THTPA: variants seen among roughly 807,000 people sequenced by gnomAD.
THTPA encodes thiamine-triphosphatase.
THTPA carries 16 observed loss-of-function variants against 16.5 expected under a neutral mutation model. That is an observed-to-expected ratio of 0.97 (90% CI 0.66 to 1.47). THTPA has a LOEUF of 1.47. Among genes scored for constraint, THTPA ranks in the 40% most tolerant of loss-of-function variants. THTPA has a pLI of 0.00. For synonymous variants in THTPA, 110 were observed against 115.5 expected, an observed-to-expected ratio of 0.95 and a Z score of 0.30; for missense variants, 281 against 280.9, an observed-to-expected ratio of 1.00 and a Z score of 0.00.
At chr14:23,533,465 G>T in the THTPA span, 1 of 1,535,236 alleles carries the variant, frequency 6.5e-7, no homozygotes, top group East Asian at 2.4e-5. This position sits in a 1 kb window ranked among gnomAD's most constrained non-coding sequence, Gnocchi z 4.8. Flanking sequence ...GTAGCCCCTG[G>T]TGGGGGAGGA....
At chr14:23,521,816 G>T in the THTPA span, 1 of 1,358,992 alleles carries the variant, frequency 7.4e-7, no homozygotes, top group Admixed American at 2.7e-5. Flanking sequence ...GGTGTGTGGT[G>T]CCCACTGAGG....
the THTPA span, chr14:23,535,050 C>T: frequency 2.0e-6 from 3 of 1,536,228 alleles, no homozygotes; most frequent in Non-Finnish European, 2.6e-6. This position sits in a 1 kb window ranked among gnomAD's most constrained non-coding sequence, Gnocchi z 4.5. Flanking sequence ...TGTCCTTTTC[C>T]ACCCCTGGGT....
At chr14:23,522,172 C>A in the THTPA span, 1 of 1,497,556 alleles carries the variant, frequency 6.7e-7, no homozygotes, top group South Asian at 1.3e-5. Flanking sequence ...GCCCACTCAG[C>A]AGCACCTCAC....
At chr14:23,535,373 C>G in the THTPA span, 2 of 1,434,642 alleles carry the variant, frequency 1.4e-6, no homozygotes, top group East Asian at 5.0e-5. This position sits in a 1 kb window ranked among gnomAD's most constrained non-coding sequence, Gnocchi z 4.5. Flanking sequence ...ACAGCCAGTA[C>G]CCTGTAGGGA....
the THTPA span, among the ~76,000 whole-genome samples, chr14:23,547,774 C>T: frequency 6.6e-6 from 1 of 152,212 alleles, no homozygotes; most frequent in African/African-American, 2.4e-5. Context: ...CCCAGCCTCT[C>T]CCTACTAATT....
the THTPA span, among the ~76,000 whole-genome samples, chr14:23,517,686 G>T: frequency 1.3e-5 from 2 of 151,980 alleles, no homozygotes; most frequent in African/African-American, 4.8e-5. Flanking sequence ...TCTCCCCATC[G>T]GGTGTGTGTG....
At chr14:23,558,628 G>T in intron 1 of THTPA, 67 bp from the exon 2 acceptor site, 1 of 1,595,612 alleles carries the variant, frequency 6.3e-7, no homozygotes, top group Non-Finnish European at 8.6e-7. Context: ...GGCTAGGTGG[G>T]CAGGGAGCAG....
upstream of THTPA, among the ~76,000 whole-genome samples, chr14:23,552,063 C>T (rs551572775): frequency 3.9e-5 from 6 of 152,254 alleles, no homozygotes; most frequent in Non-Finnish European, 8.8e-5. Context: ...AGCCCTGAGC[C>T]GCCCAAGGCC....
In THTPA at chr14:23,560,202, G is replaced by A; in HGVS notation, c.*1362G>A. On this transcript the variant is annotated 3_prime_UTR_variant, in exon 2 of 2. Transcript: ENST00000288014. Reference sequence around the variant, plus strand: ...CTCCCACCCACCTCCTCCACTTAGTGGCCTTTTCTCCTGGAGTCCCCAGGC... The same window carrying A: ...CTCCCACCCACCTCCTCCACTTAGTAGCCTTTTCTCCTGGAGTCCCCAGGC... 2 of 1,594,232 alleles carry A rather than the reference G, an allele frequency of 1.3e-6. No individual in the cohort carries two copies. Among genetic ancestry groups the A allele is most frequent in the Non-Finnish European group, 1.7e-6 (2 of 1,166,438 alleles).
the THTPA span, chr14:23,532,561 C>T: frequency 7.0e-7 from 1 of 1,437,076 alleles, no homozygotes; most frequent in Non-Finnish European, 9.1e-7. Context: ...CCTGACCCAG[C>T]CTCACCTTAT....
the THTPA span, chr14:23,525,855 G>A: frequency 2.7e-6 from 4 of 1,455,258 alleles, no homozygotes; most frequent in South Asian, 4.3e-5. This position sits in a 1 kb window ranked among gnomAD's most constrained non-coding sequence, Gnocchi z 5.9. Flanking sequence ...GGCAGGAGCA[G>A]CTGCTGCTGC....
the THTPA span, chr14:23,532,022 C>T: frequency 1.9e-5 from 4 of 213,138 alleles, no homozygotes; most frequent in Admixed American, 5.9e-5. Context: ...GTGATCCTCC[C>T]GCCTCGGCCT....
In THTPA at chr14:23,556,440, G is replaced by T; in HGVS notation, c.-318G>T. 3.2e-6 allele frequency: 1 copy of T among 316,960 alleles called. No individual in the cohort carries two copies. 19.6% of individuals were successfully genotyped at this position (316,960 alleles called of 1,614,324 possible). A position where few individuals can be genotyped will look rare whatever the true frequency, so the allele number is the denominator to read the frequency against. Reference sequence around the variant, plus strand: ...GCCTCCTGGGGTGGCAAGGTGTAGAGAGGGGGGCGTTGAAAGGACACCCGC... The same window carrying T: ...GCCTCCTGGGGTGGCAAGGTGTAGATAGGGGGGCGTTGAAAGGACACCCGC... On this transcript the variant is annotated 5_prime_UTR_variant, in exon 1 of 2. Transcript: ENST00000288014.
chr14:23,531,565 G>C, the THTPA span: 1 of 1,525,120 alleles, frequency 6.6e-7, no homozygotes, highest in South Asian at 1.2e-5. Context: ...CCATTCTGTA[G>C]CAGCTGCAGA....
Position 23,556,466 on chromosome 14 carries a change from T to A in THTPA, c.-292T>A. 5.1e-6 allele frequency: 2 copies of A among 389,138 alleles called. No individual in the cohort carries two copies. Among genetic ancestry groups the A allele is most frequent in the Non-Finnish European group, 9.3e-6 (2 of 215,768 alleles). The allele number at this position is 389,138 out of a possible 1,614,324, so 24.1% of individuals were successfully genotyped here. ...AGGGGGGCGTTGAAAGGACACCCGCTACCCGGCCTGCTTTCTAGGGGTCTC... is the reference window on the plus strand; with the variant it reads ...AGGGGGGCGTTGAAAGGACACCCGCAACCCGGCCTGCTTTCTAGGGGTCTC... On this transcript the variant is annotated 5_prime_UTR_variant, in exon 1 of 2. Coordinates refer to ENST00000288014, the MANE Select transcript of THTPA (RefSeq NM_024328.6).
At chr14:23,534,132 C>G in the THTPA span, 1 of 1,478,748 alleles carries the variant, frequency 6.8e-7, no homozygotes, top group Non-Finnish European at 8.9e-7. The surrounding 1 kb of genome is among the most constrained non-coding windows in gnomAD (Gnocchi z 4.5). Flanking sequence ...GAGTGCCCCC[C>G]TCCTTGGAGG....
At chr14:23,523,236 G>A in the THTPA span, 2 of 1,432,780 alleles carry the variant, frequency 1.4e-6, no homozygotes, top group African/African-American at 1.4e-5. This position sits in a 1 kb window ranked among gnomAD's most constrained non-coding sequence, Gnocchi z 4.1. Flanking sequence ...CCCAGCGGGG[G>A]CTGAGCCAGA....
chr14:23,537,651 C>G, the THTPA span, among the ~76,000 whole-genome samples: 1 of 151,908 alleles, frequency 6.6e-6, no homozygotes, highest in African/African-American at 2.4e-5. Flanking sequence ...ATGGGGAGGT[C>G]GGGGGAGTTG....
At chr14:23,554,551 T>A (rs1249835191), upstream of THTPA, among the ~76,000 whole-genome samples, 2 of 86,018 alleles carry the variant, frequency 2.3e-5, no homozygotes, top group Admixed American at 1.3e-4. Context: ...TAATTAAAAT[T>A]TTTTTTTTTT....
Sources: gnomAD v4.1 joint callset for allele counts (sites outside exome capture counted in the v4.1 genomes callset) on GRCh38, gnomAD v4.1.1 for gene constraint, Gnocchi (gnomAD v3.1) non-coding constraint, MANE v1.5 for transcripts, NCBI Gene and HGNC (gene_info 2026-07-23, HGNC 2026-07-21) for gene names.